KCNH8: variants seen among roughly 807,000 people sequenced by gnomAD.
The protein encoded by KCNH8 is voltage-gated delayed rectifier potassium channel KCNH8.
KCNH8 carries 70 observed loss-of-function variants against 103.6 expected under a neutral mutation model. The observed-to-expected ratio is 0.68, with a 90% CI of 0.56 to 0.82. The LOEUF is 0.82. Ranked by LOEUF, KCNH8 falls within the 40% of genes least tolerant of loss-of-function variation. The pLI, the probability that KCNH8 is intolerant of heterozygous loss-of-function variation, is 0.00. For missense variants in KCNH8, 1,217 were observed against 1,329.9 expected (o/e 0.92, Z 1.32); for synonymous variants, 498 against 489.4 (o/e 1.02, Z -0.23).
Position 19,159,948 on chromosome 3 carries a change from C to G in KCNH8, c.76+11153C>G, listed in dbSNP as rs76423165. On this transcript the variant is annotated intron_variant, in intron 1 of 15. Transcript: ENST00000328405. ...CAATATATTTAGAACTTTTCAGTATCTTTGGTATTAAAAAAATCCTACAAT... is the reference window on the plus strand; with the variant it reads ...CAATATATTTAGAACTTTTCAGTATGTTTGGTATTAAAAAAATCCTACAAT... Among the ~76,000 whole-genome samples, 1,037 of 152,098 alleles carry G rather than the reference C, an allele frequency of 6.8e-3. 9 individuals carry two copies. The highest frequency in any genetic ancestry group is 0.023 in the African/African-American group (939 of 41,534).
At chr3:19,472,940 T>G (rs1266637536) in intron 11 of KCNH8, among the ~76,000 whole-genome samples, 1 of 152,232 alleles carries the variant, frequency 6.6e-6, no homozygotes, top group Non-Finnish European at 1.5e-5. Flanking sequence ...ATGTCAATGT[T>G]ATTAAGTATT....
At chr3:19,312,764 G>T (rs1036463981) in intron 3 of KCNH8, among the ~76,000 whole-genome samples, 1 of 151,868 alleles carries the variant, frequency 6.6e-6, no homozygotes, top group South Asian at 2.1e-4. Flanking sequence ...TTGCTCCACT[G>T]CTTTTACGGA....
chr3:19,528,479 GA>G (rs2069104333), intron 15 of KCNH8, among the ~76,000 whole-genome samples: 2 of 152,034 alleles, frequency 1.3e-5, no homozygotes, highest in South Asian at 4.1e-4. Flanking sequence ...CTACAATTAT[GA>G]AGGAAACACA....
At chr3:19,303,340 A>G (rs570838633) in intron 3 of KCNH8, among the ~76,000 whole-genome samples, 5 of 152,344 alleles carry the variant, frequency 3.3e-5, no homozygotes, top group African/African-American at 1.2e-4. Context: ...TAGAAAAGAC[A>G]GTAAGAACAA....
chr3:19,232,304 A>C (rs997939802), intron 1 of KCNH8, among the ~76,000 whole-genome samples: 1 of 152,180 alleles, frequency 6.6e-6, no homozygotes, highest in Non-Finnish European at 1.5e-5. Context: ...TTATTTCCTC[A>C]ACCATATCCT....
intron 12 of KCNH8, among the ~76,000 whole-genome samples, chr3:19,512,237 C>G (rs181029508): frequency 1.2e-4 from 19 of 152,130 alleles, no homozygotes; most frequent in African/African-American, 4.6e-4. Flanking sequence ...CCTCAATTGT[C>G]TTTTCCCACA....
intron 2 of KCNH8, among the ~76,000 whole-genome samples, chr3:19,279,007 G>A (rs2064717828): frequency 6.6e-6 from 1 of 152,094 alleles, no homozygotes; most frequent in Admixed American, 6.6e-5. Flanking sequence ...AAAATTAATA[G>A]CCTCGGTTAT....
intron 5 of KCNH8, among the ~76,000 whole-genome samples, chr3:19,387,915 T>A (rs1425283238): frequency 6.6e-6 from 1 of 152,004 alleles, no homozygotes; most frequent in Non-Finnish European, 1.5e-5. Flanking sequence ...CTCTAATGAC[T>A]TACCCAAGAA....
At chr3:19,181,687 T>A (rs2063454696) in intron 1 of KCNH8, among the ~76,000 whole-genome samples, 1 of 152,034 alleles carries the variant, frequency 6.6e-6, no homozygotes, top group African/African-American at 2.4e-5. Context: ...ACAAACAAAT[T>A]TAAAAAATCA....
chr3:19,178,028 CA>C (rs2063417250), intron 1 of KCNH8, among the ~76,000 whole-genome samples: 1 of 151,552 alleles, frequency 6.6e-6, no homozygotes, highest in Non-Finnish European at 1.5e-5. Context: ...AGTATATTAC[CA>C]ACTCAGTTCT....
chr3:19,502,268 A>G (rs996516324), intron 11 of KCNH8, among the ~76,000 whole-genome samples: 1 of 151,664 alleles, frequency 6.6e-6, no homozygotes, highest in African/African-American at 2.4e-5. Flanking sequence ...CAATGAAATA[A>G]AAGAGGATAC....
chr3:19,522,968 G>A (rs982392539), intron 15 of KCNH8, among the ~76,000 whole-genome samples: 1 of 151,706 alleles, frequency 6.6e-6, no homozygotes, highest in African/African-American at 2.4e-5. Context: ...ATATGTATAT[G>A]TGTGATAAGA....
At chr3:19,309,409 A>T (rs2065181338) in intron 3 of KCNH8, among the ~76,000 whole-genome samples, 1 of 152,014 alleles carries the variant, frequency 6.6e-6, no homozygotes, top group African/African-American at 2.4e-5. Flanking sequence ...GCACATCTTC[A>T]TAGGCATACT....
intron 1 of KCNH8, among the ~76,000 whole-genome samples, chr3:19,174,590 C>T (rs962066237): frequency 6.6e-6 from 1 of 152,128 alleles, no homozygotes; most frequent in Non-Finnish European, 1.5e-5. Flanking sequence ...TAAATTAAAA[C>T]TGAACTTGCA....
rs758576097 is a variant in KCNH8 at position 19,515,273 on chromosome 3, A to G, written c.2436-49A>G. 4 of 979,138 alleles carry G rather than the reference A, an allele frequency of 4.1e-6. No individual in the cohort carries two copies. The South Asian group carries it at 6.0e-5, about 15-fold the overall frequency. 60.7% of individuals were successfully genotyped at this position (979,138 alleles called of 1,614,324 possible). ...CTTTTAACTCTTTAAAAATACTGGA[A>G]TCCATGAATATGAATCCACAGCCAG... On this transcript the variant is annotated intron_variant, in intron 13 of 15. Coordinates refer to ENST00000328405, the MANE Select transcript of KCNH8 (RefSeq NM_144633.3).
At chr3:19,528,748 A>T (rs976677083) in intron 15 of KCNH8, among the ~76,000 whole-genome samples, 1 of 152,108 alleles carries the variant, frequency 6.6e-6, no homozygotes, top group Non-Finnish European at 1.5e-5. Context: ...AACAACCAAA[A>T]GTCCTTCAAA....
rs2064686443 is a variant in KCNH8, at chr3:19,277,207, AG to A, written c.311-3986del. On this transcript the variant is annotated intron_variant, in intron 2 of 15. Transcript: ENST00000328405. ...TTACCCTAGACTAGGAAGGGGAGGC[AG>A]GGGGATGAAGGGAAAAATATCTATA... is the stretch of plus-strand genomic sequence containing the variant. Among the ~76,000 whole-genome samples the A allele has an allele frequency of 3.9e-5, 6 of 152,248 alleles. 1 individual carries two copies. In the South Asian group the frequency reaches 1.2e-3, roughly 32 times the overall value.
At chr3:19,376,469 C>T (rs1288468218) in intron 5 of KCNH8, among the ~76,000 whole-genome samples, 6 of 152,102 alleles carry the variant, frequency 3.9e-5, no homozygotes, top group Non-Finnish European at 5.9e-5. Context: ...ATGCACGGTG[C>T]GCGCACCCAC....
rs115448639 is a variant in KCNH8, at chr3:19,472,807, G to T, written c.2040+15825G>T. 1.3e-3 allele frequency among the ~76,000 whole-genome samples: 197 copies of T among 152,234 alleles called. 1 individual carries two copies. The highest frequency in any genetic ancestry group is 3.7e-3 in the African/African-American group (153 of 41,542). On this transcript the variant is annotated intron_variant, in intron 11 of 15. Transcript: ENST00000328405. ...ATTCACATTTGGGTAAATCTCCCAT[G>T]GGCATCAAGCATGTGTTTCAAATAA...
Sources: gnomAD v4.1 joint callset for allele counts (sites outside exome capture counted in the v4.1 genomes callset) on GRCh38, gnomAD v4.1.1 for gene constraint, MANE v1.5 for transcripts, NCBI Gene and HGNC (gene_info 2026-07-23, HGNC 2026-07-21) for gene names.